The following MRFAP1 variants were observed in gnomAD, a reference collection of about 807,000 sequenced individuals.
MRFAP1 encodes the protein MORF4 family-associated protein 1.
A neutral mutation model predicts 9.3 loss-of-function variants in MRFAP1; 1 was observed. The ratio of observed to expected loss-of-function variants is 0.11; its 90% confidence interval spans 0.04 to 0.51. The LOEUF (loss-of-function observed/expected upper bound fraction) is 0.51. Ranked by LOEUF, MRFAP1 falls within the 20% of genes least tolerant of loss-of-function variation. MRFAP1 has a pLI of 0.94. For missense variants in MRFAP1, 180 were observed against 178.6 expected, an observed-to-expected ratio of 1.01 and a Z score of -0.04; for synonymous variants, 101 against 80.3, an observed-to-expected ratio of 1.26 and a Z score of -1.38.
Position 6,641,094 on chromosome 4 carries a change from G to C in MRFAP1, c.232G>C (p.Ala78Pro). The C allele has an allele frequency of 1.2e-6, 2 of 1,614,212 alleles. No individual in the cohort carries two copies. Among genetic ancestry groups the C allele is most frequent in the Non-Finnish European group, 1.7e-6 (2 of 1,180,034 alleles). The change falls in exon 1 of 2, where the codon GCC becomes CCC. Residue 78 changes from alanine to proline, a missense_variant. Coordinates refer to ENST00000382581, the MANE Select transcript of MRFAP1 (RefSeq NM_033296.3). ...GCAGGTGGAGGCCTCGGAGGAGAGCGCCCTCAACCACCTCCAGAACCCGGG... is the reference window on the plus strand; with the variant it reads ...GCAGGTGGAGGCCTCGGAGGAGAGCCCCCTCAACCACCTCCAGAACCCGGG... Reference protein sequence around the residue: ...KTQVEASEESALNHLQNPGDA... With the variant: ...KTQVEASEESPLNHLQNPGDA...
intron 1 of MRFAP1, 21 bp downstream of exon 1, chr4:6,641,279 A>G: frequency 6.5e-7 from 1 of 1,532,878 alleles, no homozygotes; most frequent in Non-Finnish European, 8.8e-7. Flanking sequence ...CACCCGCGCC[A>G]GGCCGAGGAG....
chr4:6,641,206 T>C lies in MRFAP1; in HGVS notation c.344T>C (p.Val115Ala). 6.2e-7 allele frequency: 1 copy of C among 1,607,030 alleles called. No homozygotes were observed. Among genetic ancestry groups the C allele is most frequent in the Non-Finnish European group, 8.5e-7 (1 of 1,175,098 alleles). The change falls in exon 1 of 2, where the codon GTG becomes GCG. Residue 115 changes from valine to alanine, a missense_variant. By Grantham distance (64) the Val-to-Ala change is moderately conservative (BLOSUM62 0). Transcript: ENST00000382581. ...KEIAKMAEML[V>A]ELVRRIEKSE... ...ATTGCGAAGATGGCAGAGATGCTGG[T>C]GGAGCTGGTCCGGCGGATAGAGAAG...
In MRFAP1 at chr4:6,641,029, A is replaced by G. The variant is rs1712799013; in HGVS notation, c.167A>G (p.Lys56Arg). 2 of 1,614,244 alleles carry G rather than the reference A, an allele frequency of 1.2e-6. No homozygotes were observed. Among genetic ancestry groups the G allele is most frequent in the Non-Finnish European group, 1.7e-6 (2 of 1,180,026 alleles). The part of the protein sequence containing the change: ...HGRAYLRNRS[K>R]LWEMDNMLIQ... The stretch of plus-strand genomic sequence containing the variant: ...CGGGCGTACCTGCGGAACCGGAGCA[A>G]GCTGTGGGAGATGGACAATATGCTC... The change falls in exon 1 of 2, where the codon AAG becomes AGG. Residue 56 changes from lysine (K) to arginine (R), a missense_variant. Physicochemically the swap from Lys to Arg is conservative, Grantham distance 26. Transcript: ENST00000382581.
In MRFAP1 at chr4:6,642,434, A is replaced by G. The variant is rs1316787611; in HGVS notation, c.*717A>G. ...CTTTATTTGACATGGAACCTAAAAT[A>G]GAAGATAAGATCTTGATATTCTGTA... On this transcript the variant is annotated 3_prime_UTR_variant, in exon 2 of 2. Coordinates refer to ENST00000382581, the MANE Select transcript of MRFAP1 (RefSeq NM_033296.3). 1.3e-5 allele frequency: 2 copies of G among 152,698 alleles called. No individual in the cohort carries two copies. Among genetic ancestry groups the G allele is most frequent in the African/African-American group, 2.4e-5 (1 of 41,478 alleles). The allele number at this position is 152,698 out of a possible 1,614,324, so 9.5% of individuals were successfully genotyped here. A position where few individuals can be genotyped will look rare whatever the true frequency, so the allele number is the denominator to read the frequency against.
chr4:6,641,366 A>G, intron 1 of MRFAP1, 108 bp downstream of exon 1: 3 of 1,400,196 alleles, frequency 2.1e-6, no homozygotes. Flanking sequence ...GCGGGAGAAT[A>G]AAGGCGTGCT....
intron 1 of MRFAP1, 149 bp downstream of exon 1, chr4:6,641,407 G>C: frequency 1.9e-6 from 2 of 1,058,448 alleles, no homozygotes; most frequent in South Asian, 3.6e-5. Context: ...CCCCGTCTTC[G>C]TGTTTTGTTT....
rs751857370 is a variant in MRFAP1 at position 6,641,057 on chromosome 4, C to T, written c.195C>T (p.Ile65=). ...SKLWEMDNML[I]QIKTQVEASE... is the part of the protein sequence containing the mutation. ...TGTGGGAGATGGACAATATGCTCAT[C>T]CAGATCAAAACGCAGGTGGAGGCCT... The change falls in exon 1 of 2, where the codon ATC becomes ATT. Residue 65 remains isoleucine (I), a synonymous_variant. Coordinates refer to ENST00000382581, the MANE Select transcript of MRFAP1 (RefSeq NM_033296.3). The T allele has an allele frequency of 1.2e-6, 2 of 1,614,202 alleles. No homozygotes were observed. The highest frequency in any genetic ancestry group is 1.7e-5 in the Admixed American group (1 of 60,030).
At position 6,641,205 on chromosome 4, in the gene MRFAP1, G is replaced by C. The variant is rs761842070; in HGVS notation, c.343G>C (p.Val115Leu). Residue 115 changes from valine (V) to leucine (L), a missense_variant, in exon 1 of 2, where the codon GTG becomes CTG. Physicochemically the swap from Val to Leu is conservative, Grantham distance 32 (BLOSUM62 1). Coordinates refer to ENST00000382581, the MANE Select transcript of MRFAP1 (RefSeq NM_033296.3). The part of the protein sequence containing the change: ...KEIAKMAEML[V>L]ELVRRIEKSE... Reference sequence around the variant, plus strand: ...GATTGCGAAGATGGCAGAGATGCTGGTGGAGCTGGTCCGGCGGATAGAGAA... The same window carrying C: ...GATTGCGAAGATGGCAGAGATGCTGCTGGAGCTGGTCCGGCGGATAGAGAA... 1 of 1,607,270 alleles carries C rather than the reference G, an allele frequency of 6.2e-7. No homozygotes were observed. The highest frequency in any genetic ancestry group is 8.5e-7 in the Non-Finnish European group (1 of 1,175,198).
intron 1 of MRFAP1, chr4:6,641,475 C>G (rs369757658): frequency 9.0e-6 from 5 of 556,218 alleles, no homozygotes; most frequent in African/African-American, 5.7e-5. Flanking sequence ...GATGCGTGTT[C>G]AGTGGAAGGG....
rs1463119149 is a variant in MRFAP1 at position 6,641,157 on chromosome 4, A to G, written c.295A>G (p.Lys99Glu). Residue 99 changes from lysine (K) to glutamate (E), a missense_variant, in exon 1 of 2, where the codon AAG becomes GAG. Physicochemically the swap from Lys to Glu is moderately conservative, Grantham distance 56. Transcript: ENST00000382581. ...AEGRAAKRCE[K>E]AEEKAKEIAK... The stretch of plus-strand genomic sequence containing the variant: ...GGGCCGGGCGGCCAAGAGGTGCGAG[A>G]AGGCCGAGGAGAAGGCCAAGGAGAT... 1 of 1,613,972 alleles carries G rather than the reference A, an allele frequency of 6.2e-7. No individual in the cohort carries two copies. Among genetic ancestry groups the G allele is most frequent in the African/African-American group, 1.3e-5 (1 of 74,950 alleles).
chr4:6,640,686 T>C lies in MRFAP1; in HGVS notation c.-177T>C. On this transcript the variant is annotated 5_prime_UTR_variant, in exon 1 of 2. Coordinates refer to ENST00000382581, the MANE Select transcript of MRFAP1 (RefSeq NM_033296.3). ...GCGCTGGTTGACGGCCGGGACTCCA[T>C]TTTGTTCGCCGTTACTCTGCGCGTA... is the stretch of plus-strand genomic sequence containing the variant. 1.3e-6 allele frequency: 1 copy of C among 754,612 alleles called. No individual in the cohort carries two copies. The allele number at this position is 754,612 out of a possible 1,614,324, so 46.7% of individuals were successfully genotyped here.
Position 6,642,103 on chromosome 4 carries a change from T to A in MRFAP1, c.*386T>A, listed in dbSNP as rs376280809. On this transcript the variant is annotated 3_prime_UTR_variant, in exon 2 of 2. Coordinates refer to ENST00000382581, the MANE Select transcript of MRFAP1 (RefSeq NM_033296.3). ...TGGGTCTGTGTGTGACACATGAGAC[T>A]CACAGTTGGAGTTCTCCAGCTCTGG... The A allele has an allele frequency of 3.3e-5, 5 of 152,660 alleles. No homozygotes were observed. Among genetic ancestry groups the A allele is most frequent in the Non-Finnish European group, 7.3e-5 (5 of 68,046 alleles). 9.5% of individuals were successfully genotyped at this position (152,660 alleles called of 1,614,324 possible).
Position 6,641,284 on chromosome 4 carries a change from G to C in MRFAP1, c.*12+26G>C, listed in dbSNP as rs760821966. The C allele has an allele frequency of 2.0e-6, 3 of 1,531,404 alleles. No individual in the cohort carries two copies. In the African/African-American group the frequency reaches 4.1e-5, roughly 21 times the overall value. The allele number at this position is 1,531,404 out of a possible 1,614,324, so 94.9% of individuals were successfully genotyped here. ...GTAAGTCGGGCACCCGCGCCAGGCCGAGGAGCGGCCCCAGCTTGGCCGCTC... is the reference window on the plus strand; with the variant it reads ...GTAAGTCGGGCACCCGCGCCAGGCCCAGGAGCGGCCCCAGCTTGGCCGCTC... On this transcript the variant is annotated intron_variant, in intron 1 of 1. Transcript: ENST00000382581.
intron 1 of MRFAP1, 198 bp from the exon 2 acceptor site, chr4:6,641,532 G>A: frequency 2.5e-6 from 1 of 396,526 alleles, no homozygotes; most frequent in Non-Finnish European, 4.5e-6. Context: ...ACAAGGTCCC[G>A]GGCCGTCCAG....
In MRFAP1 at chr4:6,641,239, C is replaced by T. The variant is rs779435276; in HGVS notation, c.377C>T (p.Ser126Leu). 7 of 1,569,784 alleles carry T rather than the reference C, an allele frequency of 4.5e-6. No homozygotes were observed. The highest frequency in any genetic ancestry group is 5.2e-6 in the Non-Finnish European group (6 of 1,152,994). ...ELVRRIEKSE[S>L]S ...GTCCGGCGGATAGAGAAGAGCGAGT[C>T]GTCGTGAGCGCGGTCGGCGGTAAGT... Residue 126 changes from serine (S) to leucine (L), a missense_variant, in exon 1 of 2, where the codon TCG (serine) becomes TTG (leucine). By Grantham distance (145) the Ser-to-Leu change is moderately radical. Transcript: ENST00000382581.
Position 6,642,453 on chromosome 4 carries a change from T to C in MRFAP1, c.*736T>C, listed in dbSNP as rs890629725. 2.0e-5 allele frequency: 3 copies of C among 152,674 alleles called. No homozygotes were observed. Among genetic ancestry groups the C allele is most frequent in the African/African-American group, 7.2e-5 (3 of 41,466 alleles). 9.5% of individuals were successfully genotyped at this position (152,674 alleles called of 1,614,324 possible). ...TAAAATAGAAGATAAGATCTTGATA[T>C]TCTGTACAAGTTGATGTAATACCCT... On this transcript the variant is annotated 3_prime_UTR_variant, in exon 2 of 2. Transcript: ENST00000382581.
rs1475961133 is a variant in MRFAP1 at position 6,642,144 on chromosome 4, T to A, written c.*427T>A. ...CCAGCTCTGGAGGTGCTGAAGGAGC[T>A]GCATTAATTCTGGAAGACGACTCCA... On this transcript the variant is annotated 3_prime_UTR_variant, in exon 2 of 2. Coordinates refer to ENST00000382581, the MANE Select transcript of MRFAP1 (RefSeq NM_033296.3). 1 of 152,616 alleles carries A rather than the reference T, an allele frequency of 6.6e-6. No homozygotes were observed. Among genetic ancestry groups the A allele is most frequent in the Non-Finnish European group, 1.5e-5 (1 of 68,052 alleles). 9.5% of individuals were successfully genotyped at this position (152,616 alleles called of 1,614,324 possible). A position where few individuals can be genotyped will look rare whatever the true frequency, so the allele number is the denominator to read the frequency against.
intron 1 of MRFAP1, 140 bp downstream of exon 1, chr4:6,641,398 C>T: frequency 9.1e-7 from 1 of 1,095,162 alleles, no homozygotes. Context: ...CGATCTGGGC[C>T]CCGTCTTCGT....
rs1464063772 is a variant in MRFAP1, at chr4:6,641,060, G to A, written c.198G>A (p.Gln66=). 6.2e-7 allele frequency: 1 copy of A among 1,614,048 alleles called. No homozygotes were observed. Among genetic ancestry groups the A allele is most frequent in the Non-Finnish European group, 8.5e-7 (1 of 1,179,970 alleles). The change falls in exon 1 of 2, where the codon CAG becomes CAA. Residue 66 remains glutamine (Q), a synonymous_variant. Transcript: ENST00000382581. ...KLWEMDNMLI[Q]IKTQVEASEE... ...GGGAGATGGACAATATGCTCATCCA[G>A]ATCAAAACGCAGGTGGAGGCCTCGG... is the stretch of plus-strand genomic sequence containing the variant.
Sources: gnomAD v4.1 joint callset for allele counts on GRCh38, gnomAD v4.1.1 for gene constraint, MANE v1.5 for transcripts, NCBI Gene and HGNC (gene_info 2026-07-23, HGNC 2026-07-21) for gene names.